Variants in BLTP3A observed in about 807,000 individuals in gnomAD.
The protein encoded by BLTP3A is ICBP90 binding protein 1.
the BLTP3A span, among the ~76,000 whole-genome samples, chr6:34,871,286 T>C: frequency 0.014 from 2,075 of 152,292 alleles, 33 homozygotes; most frequent in Non-Finnish European, 0.016. Context: ...CTGTCAGTGT[T>C]ATAGTGGTAT....
At chr6:34,818,276 C>CT in the BLTP3A span, among the ~76,000 whole-genome samples, 15 of 152,082 alleles carry the variant, frequency 9.9e-5, no homozygotes, top group African/African-American at 2.4e-5. Context: ...TGAGACCAGC[C>CT]TGGGCAACAT....
chr6:34,824,996 A>G, the BLTP3A span, among the ~76,000 whole-genome samples: 1 of 152,184 alleles, frequency 6.6e-6, no homozygotes, highest in East Asian at 1.9e-4. Context: ...TTACGGAACA[A>G]TATGGATCAA....
chr6:34,829,063 CA>C, the BLTP3A span, among the ~76,000 whole-genome samples: 2 of 135,738 alleles, frequency 1.5e-5, no homozygotes, highest in African/African-American at 5.6e-5. Context: ...AGAAGAAAAC[CA>C]AAGAAGCCAA....
At chr6:34,797,278 C>A in the BLTP3A span, among the ~76,000 whole-genome samples, 1 of 152,136 alleles carries the variant, frequency 6.6e-6, no homozygotes, top group African/African-American at 2.4e-5. Context: ...CGATAGAGAC[C>A]TGGCTGATAG....
chr6:34,856,958 A>G, the BLTP3A span: 9 of 1,604,666 alleles, frequency 5.6e-6, no homozygotes, highest in African/African-American at 1.3e-5. Flanking sequence ...ATGGTTGGAA[A>G]GAGGTGGAGC....
the BLTP3A span, chr6:34,864,032 G>A: frequency 6.2e-7 from 1 of 1,611,836 alleles, no homozygotes; most frequent in African/African-American, 1.3e-5. Flanking sequence ...ATGAGGGGGT[G>A]GCAGCCCCAG....
the BLTP3A span, among the ~76,000 whole-genome samples, chr6:34,847,223 T>C: frequency 1.4e-4 from 22 of 152,088 alleles, no homozygotes; most frequent in Non-Finnish European, 2.9e-4. Flanking sequence ...TAGTTTTCTG[T>C]TTTCTTTTTC....
chr6:34,855,000 TGTAAATTCAAG>T, the BLTP3A span, among the ~76,000 whole-genome samples: 1 of 152,262 alleles, frequency 6.6e-6, no homozygotes, highest in African/African-American at 2.4e-5. Context: ...AAGAATTAAA[TGTAAATTCAAG>T]GTAAACATAA....
At chr6:34,862,845 A>AC in the BLTP3A span, among the ~76,000 whole-genome samples, 3 of 151,680 alleles carry the variant, frequency 2.0e-5, no homozygotes, top group Non-Finnish European at 4.4e-5. Flanking sequence ...AAAAAAAAAA[A>AC]AACCAAAAAC....
chr6:34,844,053 T>G, the BLTP3A span, among the ~76,000 whole-genome samples: 2 of 152,200 alleles, frequency 1.3e-5, no homozygotes, highest in East Asian at 3.8e-4. Flanking sequence ...TGATCTTTGC[T>G]TACTGCAAGC....
the BLTP3A span, chr6:34,867,321 G>C: frequency 1.2e-6 from 2 of 1,613,980 alleles, no homozygotes; most frequent in African/African-American, 2.7e-5. Flanking sequence ...TATGGCCAGG[G>C]GTCACCAGCA....
At chr6:34,865,646 A>G in the BLTP3A span, among the ~76,000 whole-genome samples, 4 of 152,232 alleles carry the variant, frequency 2.6e-5, no homozygotes, top group Non-Finnish European at 4.4e-5. Flanking sequence ...CATTTCCACC[A>G]ACAGGGTGCT....
the BLTP3A span, among the ~76,000 whole-genome samples, chr6:34,814,189 AT>A: frequency 2.0e-5 from 3 of 151,874 alleles, no homozygotes; most frequent in Non-Finnish European, 2.9e-5. Context: ...TAGTCTTTGT[AT>A]TTTTAGTAGA....
At chr6:34,869,640 C>CTTTTTTTTTTTTT in the BLTP3A span, among the ~76,000 whole-genome samples, 6 of 81,520 alleles carry the variant, frequency 7.4e-5, 2 homozygotes, top group African/African-American at 3.7e-4. Flanking sequence ...ACATACACCA[C>CTTTTTTTTTTTTT]TTTTTTTTTT....
At chr6:34,798,442 A>G in the BLTP3A span, among the ~76,000 whole-genome samples, 1 of 152,240 alleles carries the variant, frequency 6.6e-6, no homozygotes, top group Admixed American at 6.5e-5. Flanking sequence ...GTATATGTTT[A>G]GCTTTAATGG....
At chr6:34,864,116 C>A in the BLTP3A span, 2 of 1,613,808 alleles carry the variant, frequency 1.2e-6, no homozygotes, top group African/African-American at 2.7e-5. Flanking sequence ...TTGATGGTGT[C>A]TCATTGGATA....
the BLTP3A span, among the ~76,000 whole-genome samples, chr6:34,840,975 T>C: frequency 6.6e-6 from 1 of 152,054 alleles, no homozygotes; most frequent in East Asian, 1.9e-4. Flanking sequence ...CTTGTGTAAT[T>C]ATATTGTTGT....
At chr6:34,862,948 G>A in the BLTP3A span, among the ~76,000 whole-genome samples, 8 of 150,232 alleles carry the variant, frequency 5.3e-5, no homozygotes, top group African/African-American at 1.7e-4. Context: ...TCACTCTGTC[G>A]CCCAGGCTGG....
At chr6:34,861,368 C>T in the BLTP3A span, among the ~76,000 whole-genome samples, 1 of 152,216 alleles carries the variant, frequency 6.6e-6, no homozygotes, top group Non-Finnish European at 1.5e-5. Context: ...TCAAGCGATT[C>T]ACCCACCTCA....
Sources: allele counts gnomAD v4.1 joint callset (sites outside exome capture counted in the v4.1 genomes callset), GRCh38; gene constraint gnomAD v4.1.1; transcripts MANE v1.5; gene names NCBI Gene and HGNC (gene_info 2026-07-23, HGNC 2026-07-21).